Variants in ANKRD27 observed in about 807,000 individuals in gnomAD.
ANKRD27 encodes ankyrin repeat domain-containing protein 27.
ANKRD27 carries 112 observed loss-of-function variants against 129.7 expected under a neutral mutation model. That is an observed-to-expected ratio of 0.86 (90% CI 0.74 to 1.01). The LOEUF (loss-of-function observed/expected upper bound fraction) is 1.01. Among genes scored for constraint, ANKRD27 ranks in the 50% least tolerant of loss-of-function variants. The probability of loss-of-function intolerance (pLI) is 0.00; values close to 1 mark genes in which losing one functional copy is unlikely to be tolerated. For missense variants in ANKRD27, 1,258 were observed against 1,300.5 expected, an observed-to-expected ratio of 0.97 and a Z score of 0.50; for synonymous variants, 516 against 511.2, an observed-to-expected ratio of 1.01 and a Z score of -0.13.
At chr19:32,609,290 A>C (rs142557258) in intron 22 of ANKRD27, among the ~76,000 whole-genome samples, 1 of 149,622 alleles carries the variant, frequency 6.7e-6, no homozygotes, top group African/African-American at 2.6e-5. Flanking sequence ...TGTTTACCCA[A>C]CAACGTATAT....
chr19:32,619,275 C>T lies in ANKRD27; in HGVS notation c.1992G>A (p.Lys664=), dbSNP rs1378324299. Residue 664 remains lysine (K), a synonymous_variant, in exon 20 of 29, where the codon AAG becomes AAA. Coordinates refer to ENST00000306065, the MANE Select transcript of ANKRD27 (RefSeq NM_032139.3). ...GAAGCCTCACCTCTCTGTAGTCCTT[C>T]TTGGTCTCCTCCTGCCTTGAGCTGG... ...MSASSRQEET[K]KDYREVEKLL... 13 of 1,613,256 alleles carry T rather than the reference C, an allele frequency of 8.1e-6. No homozygotes were observed. Among genetic ancestry groups the T allele is most frequent in the Non-Finnish European group, 1.1e-5 (13 of 1,179,770 alleles).
At chr19:32,673,135 C>G (rs1378800885) in intron 1 of ANKRD27, 1 of 184,696 alleles carries the variant, frequency 5.4e-6, no homozygotes, top group African/African-American at 2.4e-5. Context: ...AACGGAGACC[C>G]TAACCCCCGG....
chr19:32,639,458 G>T lies in ANKRD27; in HGVS notation c.1014C>A (p.Phe338Leu). 6.2e-7 allele frequency: 1 copy of T among 1,613,696 alleles called. No individual in the cohort carries two copies. Among genetic ancestry groups the T allele is most frequent in the Non-Finnish European group, 8.5e-7 (1 of 1,179,816 alleles). ...CATCCTTTGCCAAGCTGCTAAACCTGAAGTTTTTGATGTAACTCAAATTTG... is the reference window on the plus strand; with the variant it reads ...CATCCTTTGCCAAGCTGCTAAACCTTAAGTTTTTGATGTAACTCAAATTTG... ...WMANLSYIKN[F>L]RFSSLAKDEL... The change falls in exon 12 of 29, where the codon TTC becomes TTA. Residue 338 changes from phenylalanine (F) to leucine (L), a missense_variant. By Grantham distance (22) the Phe-to-Leu change is conservative (BLOSUM62 0). Transcript: ENST00000306065.
In ANKRD27 at chr19:32,626,707, C is replaced by T. The variant is rs1337685324; in HGVS notation, c.1536+5G>A. ...ACAGCCCGCCACAAAGGCACCACTG[C>T]TCACCGTCACGCTCTGGTAGCCCTT... On this transcript the variant is annotated splice_donor_5th_base_variant and intron_variant, in intron 16 of 28. Transcript: ENST00000306065. 2 of 1,597,264 alleles carry T rather than the reference C, an allele frequency of 1.3e-6. No individual in the cohort carries two copies. Among genetic ancestry groups the T allele is most frequent in the South Asian group, 1.1e-5 (1 of 88,464 alleles).
Position 32,634,961 on chromosome 19 carries a change from C to T in ANKRD27, c.1117-3467G>A, listed in dbSNP as rs74257320. On this transcript the variant is annotated intron_variant, in intron 12 of 28. Coordinates refer to ENST00000306065, the MANE Select transcript of ANKRD27 (RefSeq NM_032139.3). ...TCAAACCCTCAAACCAACACCAGCA[C>T]GAGAGAAGGAACCTCTCAAATATTA... Among the ~76,000 whole-genome samples the T allele has an allele frequency of 3.2e-4, 49 of 152,146 alleles. 3 individuals are homozygous for T. In the South Asian group the frequency reaches 8.3e-3, roughly 26 times the overall value.
chr19:32,641,767 C>CTTTT (rs757141453), intron 10 of ANKRD27, among the ~76,000 whole-genome samples: 2 of 21,190 alleles, frequency 9.4e-5, no homozygotes, highest in African/African-American at 3.9e-4. Context: ...TTTACTTCTT[C>CTTTT]TTTTTTTTTT....
At chr19:32,650,112 A>C (rs1029479634) in intron 2 of ANKRD27, among the ~76,000 whole-genome samples, 1 of 152,088 alleles carries the variant, frequency 6.6e-6, no homozygotes, top group Non-Finnish European at 1.5e-5. Context: ...GGTCCCCCCC[A>C]GGCTAGTGGC....
intron 2 of ANKRD27, among the ~76,000 whole-genome samples, chr19:32,651,903 G>T (rs997073889): frequency 2.1e-4 from 32 of 152,154 alleles, no homozygotes; most frequent in African/African-American, 7.7e-4. Context: ...CTAGTTTTCT[G>T]GCAGACATAA....
intron 20 of ANKRD27, among the ~76,000 whole-genome samples, chr19:32,618,520 G>A (rs1261718019): frequency 1.3e-5 from 2 of 151,856 alleles, no homozygotes; most frequent in African/African-American, 4.8e-5. Flanking sequence ...GACACCATGA[G>A]GGTGGACACC....
intron 2 of ANKRD27, among the ~76,000 whole-genome samples, chr19:32,656,765 G>A (rs556073165): frequency 6.7e-6 from 1 of 149,640 alleles, no homozygotes; most frequent in Non-Finnish European, 1.5e-5. Context: ...AGCCCAGGCT[G>A]GGGGACAAAG....
chr19:32,617,484 C>T (rs1971937401), intron 21 of ANKRD27, 105 bp downstream of exon 21: 2 of 567,138 alleles, frequency 3.5e-6, no homozygotes, highest in East Asian at 3.0e-5. Context: ...GAGTTCAAGG[C>T]TGCAGTGAGC....
intron 4 of ANKRD27, among the ~76,000 whole-genome samples, chr19:32,645,888 G>A (rs1002743281): frequency 1.3e-5 from 2 of 151,400 alleles, no homozygotes; most frequent in Admixed American, 6.6e-5. Flanking sequence ...CGCCCACCTC[G>A]GCCTCCCAAA....
At chr19:32,669,820 A>G (rs919620325) in intron 1 of ANKRD27, among the ~76,000 whole-genome samples, 7 of 151,990 alleles carry the variant, frequency 4.6e-5, no homozygotes, top group African/African-American at 1.7e-4. Flanking sequence ...AAAATGGTGA[A>G]ACCCCGTCTC....
At chr19:32,606,450 A>G (rs1389612719) in intron 23 of ANKRD27, among the ~76,000 whole-genome samples, 1 of 152,106 alleles carries the variant, frequency 6.6e-6, no homozygotes, top group Non-Finnish European at 1.5e-5. Flanking sequence ...CACCACGCCC[A>G]GCCGTCTCTG....
chr19:32,622,290 C>T (rs1011058319), intron 18 of ANKRD27, 132 bp downstream of exon 18: 22 of 916,500 alleles, frequency 2.4e-5, no homozygotes, highest in South Asian at 1.4e-4. Flanking sequence ...GTCCCACATG[C>T]GGCAGAAAGG....
In ANKRD27 at chr19:32,607,684, G is replaced by A; in HGVS notation, c.2324C>T (p.Ala775Val). Residue 775 changes from alanine (A) to valine (V), a missense_variant, in exon 23 of 29, where the codon GCA becomes GTA. Physicochemically the swap from Ala to Val is moderately conservative, Grantham distance 64 (BLOSUM62 0). Transcript: ENST00000306065. ...CAGGTGGAGCGGGACGGCTTGGTCTGCGTTCCTGGCACCTGCGTTGGCCCC... is the reference window on the plus strand; with the variant it reads ...CAGGTGGAGCGGGACGGCTTGGTCTACGTTCCTGGCACCTGCGTTGGCCCC... The part of the protein sequence containing the change: ...KHGANAGARN[A>V]DQAVPLHLAC... 1 of 1,612,502 alleles carries A rather than the reference G, an allele frequency of 6.2e-7. No homozygotes were observed. The highest frequency in any genetic ancestry group is 8.5e-7 in the Non-Finnish European group (1 of 1,179,700).
intron 25 of ANKRD27, among the ~76,000 whole-genome samples, chr19:32,604,004 A>AG (rs930152570): frequency 2.2e-4 from 22 of 99,536 alleles, no homozygotes; most frequent in Admixed American, 3.6e-4. Flanking sequence ...CTGCTAGCTG[A>AG]GGGGGGGGCC....
intron 2 of ANKRD27, among the ~76,000 whole-genome samples, chr19:32,651,217 G>C (rs555627046): frequency 1.3e-5 from 2 of 152,076 alleles, no homozygotes; most frequent in Non-Finnish European, 2.9e-5. Flanking sequence ...GGCCAAAGTG[G>C]GCCACAGGCA....
At chr19:32,609,344 G>A (rs754337445) in intron 22 of ANKRD27, among the ~76,000 whole-genome samples, 1 of 150,650 alleles carries the variant, frequency 6.6e-6, no homozygotes, top group African/African-American at 2.5e-5. Context: ...ACCCACCAAC[G>A]TATATATCCA....
Sources: gnomAD v4.1 joint callset for allele counts (sites outside exome capture counted in the v4.1 genomes callset) on GRCh38, gnomAD v4.1.1 for gene constraint, MANE v1.5 for transcripts, NCBI Gene and HGNC (gene_info 2026-07-23, HGNC 2026-07-21) for gene names.